ARHGAP22: variants seen among roughly 807,000 people sequenced by gnomAD.
ARHGAP22 encodes rho GTPase-activating protein 22.
ARHGAP22 carries 48 observed loss-of-function variants against 59.1 expected under a neutral mutation model. That is an observed-to-expected ratio of 0.81 (90% CI 0.64 to 1.03). The LOEUF (loss-of-function observed/expected upper bound fraction) is 1.03. ARHGAP22 is among the 50% of genes least tolerant of loss of function. The pLI, the probability that ARHGAP22 is intolerant of heterozygous loss-of-function variation, is 0.00. For missense variants in ARHGAP22, 1,015 were observed against 958.7 expected (o/e 1.06, Z -0.78); for synonymous variants, 445 against 416.4 (o/e 1.07, Z -0.84).
intron 5 of ARHGAP22, among the ~76,000 whole-genome samples, chr10:48,457,566 C>T (rs746970923): frequency 7.2e-5 from 11 of 152,186 alleles, no homozygotes; most frequent in Non-Finnish European, 1.5e-4. Flanking sequence ...GGAGTCCATG[C>T]AGCCCTAGGC....
chr10:48,592,569 T>C (rs2059825236), intron 1 of ARHGAP22, among the ~76,000 whole-genome samples: 1 of 152,140 alleles, frequency 6.6e-6, no homozygotes, highest in African/African-American at 2.4e-5. Context: ...CTCCCCGTCT[T>C]CCTGACCTCT....
chr10:48,655,071 T>C (rs1227967013), upstream of ARHGAP22, among the ~76,000 whole-genome samples: 14 of 52,928 alleles, frequency 2.6e-4, no homozygotes, highest in African/African-American at 4.2e-4. Context: ...CTTCCCTCCT[T>C]CTCTTCTCTT....
chr10:48,554,525 C>T (rs990302796), intron 3 of ARHGAP22, among the ~76,000 whole-genome samples: 2 of 152,222 alleles, frequency 1.3e-5, no homozygotes, highest in African/African-American at 4.8e-5. Context: ...ACTCACTGTT[C>T]CCATCACGCT....
intron 4 of ARHGAP22, among the ~76,000 whole-genome samples, chr10:48,472,883 G>A (rs2048360502): frequency 6.6e-6 from 1 of 152,088 alleles, no homozygotes; most frequent in Non-Finnish European, 1.5e-5. Context: ...GAAAACTTGT[G>A]TACTGCCAGT....
At chr10:48,651,745 CCAAA>C (rs2136220350) in intron 1 of ARHGAP22, among the ~76,000 whole-genome samples, 1 of 152,260 alleles carries the variant, frequency 6.6e-6, no homozygotes, top group East Asian at 1.9e-4. Flanking sequence ...ACTGAGGGAC[CCAAA>C]CAGACAGTCA....
chr10:48,631,648 T>C (rs1170287285), intron 1 of ARHGAP22, among the ~76,000 whole-genome samples: 1 of 152,234 alleles, frequency 6.6e-6, no homozygotes, highest in Non-Finnish European at 1.5e-5. Flanking sequence ...TATATCAGTA[T>C]TCCCAGTTCC....
At chr10:48,463,682 G>A (rs1453966910) in intron 4 of ARHGAP22, among the ~76,000 whole-genome samples, 1 of 152,170 alleles carries the variant, frequency 6.6e-6, no homozygotes, top group Non-Finnish European at 1.5e-5. Context: ...TGCTACGTGA[G>A]CTGCCCCAGA....
intron 1 of ARHGAP22, among the ~76,000 whole-genome samples, chr10:48,588,873 T>C (rs1190060298): frequency 1.3e-5 from 2 of 152,112 alleles, no homozygotes; most frequent in Non-Finnish European, 2.9e-5. Context: ...CTTTCTGCTA[T>C]AGACCTCTGC....
chr10:48,563,075 C>G (rs1420626879), intron 2 of ARHGAP22, among the ~76,000 whole-genome samples: 1 of 152,084 alleles, frequency 6.6e-6, no homozygotes, highest in East Asian at 1.9e-4. Flanking sequence ...ATCTTCGAAG[C>G]CAGCAGCCTC....
intron 1 of ARHGAP22, among the ~76,000 whole-genome samples, chr10:48,633,042 C>A (rs1241661581): frequency 1.3e-5 from 2 of 152,192 alleles, no homozygotes; most frequent in African/African-American, 4.8e-5. Context: ...TTCCCTCAGG[C>A]CTTTCCATTG....
At chr10:48,591,436 G>T (rs930872465) in intron 1 of ARHGAP22, among the ~76,000 whole-genome samples, 1 of 152,154 alleles carries the variant, frequency 6.6e-6, no homozygotes, top group Non-Finnish European at 1.5e-5. Flanking sequence ...ATAAATTAAA[G>T]AAGTGAATAT....
intron 3 of ARHGAP22, among the ~76,000 whole-genome samples, chr10:48,519,956 G>T (rs1353913671): frequency 1.3e-5 from 2 of 152,220 alleles, no homozygotes; most frequent in African/African-American, 2.4e-5. Flanking sequence ...GAAGGGGCAA[G>T]GGTGAACTCA....
At chr10:48,655,083 TCTTC>T (rs1259011366), upstream of ARHGAP22, among the ~76,000 whole-genome samples, 17 of 74,334 alleles carry the variant, frequency 2.3e-4, 4 homozygotes, top group Non-Finnish European at 4.2e-4. Flanking sequence ...TCTTCTCTTC[TCTTC>T]TCTTCTCTTC....
chr10:48,559,743 T>C (rs953391208), intron 2 of ARHGAP22, among the ~76,000 whole-genome samples: 4 of 152,222 alleles, frequency 2.6e-5, no homozygotes, highest in African/African-American at 9.6e-5. Flanking sequence ...TTTAACAATA[T>C]ATTTTATTTA....
intron 3 of ARHGAP22, among the ~76,000 whole-genome samples, chr10:48,521,630 T>C (rs1316301384): frequency 6.6e-6 from 1 of 152,220 alleles, no homozygotes; most frequent in African/African-American, 2.4e-5. Context: ...AAAATGCACA[T>C]ACACATCTCT....
At chr10:48,643,935 G>T (rs1308490107) in intron 1 of ARHGAP22, among the ~76,000 whole-genome samples, 1 of 152,064 alleles carries the variant, frequency 6.6e-6, no homozygotes, top group Non-Finnish European at 1.5e-5. Flanking sequence ...ATCACCTGAG[G>T]TGGGGAGTTT....
At chr10:48,647,309 G>A (rs185298755) in intron 1 of ARHGAP22, among the ~76,000 whole-genome samples, 124 of 152,180 alleles carry the variant, frequency 8.1e-4, no homozygotes, top group African/African-American at 2.8e-3. Context: ...CAGGAGAATC[G>A]CTTGAACCGG....
intron 1 of ARHGAP22, among the ~76,000 whole-genome samples, chr10:48,586,565 T>G (rs1965169): frequency 6.6e-6 from 1 of 152,100 alleles, no homozygotes; most frequent in South Asian, 2.1e-4. Context: ...CCTTTAAATG[T>G]CACTATACAC....
chr10:48,487,184 A>T (rs961493800), intron 3 of ARHGAP22, among the ~76,000 whole-genome samples: 1 of 152,116 alleles, frequency 6.6e-6, no homozygotes, highest in African/African-American at 2.4e-5. Context: ...CATGTATATT[A>T]CACAACTTAA....
Sources: gnomAD v4.1 joint callset for allele counts (sites outside exome capture counted in the v4.1 genomes callset) on GRCh38, gnomAD v4.1.1 for gene constraint, MANE v1.5 for transcripts, NCBI Gene and HGNC (gene_info 2026-07-23, HGNC 2026-07-21) for gene names.